The following ARHGAP15 variants were observed in gnomAD, a reference collection of about 807,000 sequenced individuals.
The protein encoded by ARHGAP15 is Rho GTPase activating protein 15, also known as rho GTPase-activating protein 15.
Under a neutral mutation model 63.7 loss-of-function variants are expected in ARHGAP15, and 51 were observed. The ratio of observed to expected loss-of-function variants is 0.80; its 90% CI spans 0.64 to 1.01. The LOEUF is 1.01. Among genes scored for constraint, ARHGAP15 ranks in the 50% least tolerant of loss-of-function variants. ARHGAP15 has a pLI of 0.00. For missense variants in ARHGAP15, 560 were observed against 564.6 expected (o/e 0.99, Z 0.08); for synonymous variants, 191 against 193.8 (o/e 0.99, Z 0.12).
At chr2:143,488,696 A>C (rs1247181076) in intron 9 of ARHGAP15, among the ~76,000 whole-genome samples, 4 of 152,248 alleles carry the variant, frequency 2.6e-5, no homozygotes, top group Non-Finnish European at 4.4e-5. Flanking sequence ...GCATTTAAAT[A>C]ATTTATAACA....
chr2:143,501,749 G>C (rs748897134), intron 9 of ARHGAP15, among the ~76,000 whole-genome samples: 10 of 152,226 alleles, frequency 6.6e-5, no homozygotes, highest in Non-Finnish European at 1.3e-4. Context: ...ATCTGCATGT[G>C]AGGTTAAGTT....
At chr2:143,706,364 T>C (rs909217084) in intron 13 of ARHGAP15, 2 of 152,206 alleles carry the variant, frequency 1.3e-5, no homozygotes, top group Non-Finnish European at 2.9e-5. Context: ...TCGTCAACCC[T>C]TGTATGTAGT....
At chr2:143,500,311 A>G (rs866002722) in intron 9 of ARHGAP15, among the ~76,000 whole-genome samples, 51 of 151,628 alleles carry the variant, frequency 3.4e-4, no homozygotes, top group African/African-American at 1.1e-3. Context: ...TAAAAGCATC[A>G]ATCTACAGTA....
chr2:143,278,865 TTTC>T (rs1681702611), intron 6 of ARHGAP15, among the ~76,000 whole-genome samples: 2 of 133,898 alleles, frequency 1.5e-5, no homozygotes, highest in African/African-American at 6.1e-5. Context: ...AGTTTCTTTC[TTTC>T]TTTTTTTTTT....
intron 10 of ARHGAP15, among the ~76,000 whole-genome samples, chr2:143,530,568 C>A (rs554220460): frequency 2.0e-4 from 31 of 152,210 alleles, no homozygotes; most frequent in Admixed American, 1.2e-3. Context: ...TATAAACCTT[C>A]AGGCATTGTG....
At chr2:143,188,028 T>G (rs1691515549) in intron 2 of ARHGAP15, among the ~76,000 whole-genome samples, 1 of 152,208 alleles carries the variant, frequency 6.6e-6, no homozygotes. Flanking sequence ...TAGAGGCAAC[T>G]GCCTTCAACA....
chr2:143,202,819 C>G (rs147764061), intron 3 of ARHGAP15, among the ~76,000 whole-genome samples: 1 of 151,836 alleles, frequency 6.6e-6, no homozygotes, highest in Admixed American at 6.6e-5. Context: ...ACTCAACATC[C>G]GTAAGAATGG....
At chr2:143,663,651 G>A (rs1313843662) in intron 12 of ARHGAP15, among the ~76,000 whole-genome samples, 6 of 152,122 alleles carry the variant, frequency 3.9e-5, no homozygotes, top group Admixed American at 2.0e-4. Context: ...ACCCATCAGT[G>A]TGCTGTATTC....
At chr2:143,150,574 G>C (rs1689774741) in intron 1 of ARHGAP15, among the ~76,000 whole-genome samples, 1 of 151,996 alleles carries the variant, frequency 6.6e-6, no homozygotes, top group Admixed American at 6.6e-5. Flanking sequence ...AAATCAGGAA[G>C]TCTAGAGAAT....
At chr2:143,163,976 T>A (rs767783923) in intron 2 of ARHGAP15, among the ~76,000 whole-genome samples, 2 of 152,026 alleles carry the variant, frequency 1.3e-5, no homozygotes, top group Non-Finnish European at 2.9e-5. Context: ...AGGAAACCCA[T>A]CCCTAAACGG....
chr2:143,432,957 A>C (rs751279032), intron 6 of ARHGAP15, among the ~76,000 whole-genome samples: 1 of 152,062 alleles, frequency 6.6e-6, no homozygotes, highest in Non-Finnish European at 1.5e-5. Context: ...TCTGTCACGG[A>C]GGCAAAACAT....
rs554312479 is a variant in ARHGAP15 at position 143,286,866 on chromosome 2, T to C, written c.474+36266T>C. ...TCTACCACATACCTAGGTGATATGA[T>C]GGAACCTATTGTTTCTAAACCACGA... is the stretch of plus-strand genomic sequence containing the variant. On this transcript the variant is annotated intron_variant, in intron 6 of 13. Coordinates refer to ENST00000295095, the MANE Select transcript of ARHGAP15 (RefSeq NM_018460.4). 6.6e-5 allele frequency among the ~76,000 whole-genome samples: 10 copies of C among 152,316 alleles called. No homozygotes were observed. The South Asian group carries it at 2.1e-3, about 32-fold the overall frequency.
intron 6 of ARHGAP15, among the ~76,000 whole-genome samples, chr2:143,373,302 C>A (rs145976137): frequency 1.4e-4 from 22 of 152,100 alleles, no homozygotes; most frequent in Non-Finnish European, 2.9e-4. Flanking sequence ...TTCCAAGAAT[C>A]CATGTGCTTA....
At chr2:143,180,507 A>T (rs1691191744) in intron 2 of ARHGAP15, among the ~76,000 whole-genome samples, 1 of 152,084 alleles carries the variant, frequency 6.6e-6, no homozygotes, top group South Asian at 2.1e-4. Flanking sequence ...CTTCTTTCAA[A>T]CTCACATTAA....
rs1440872421 is a variant in ARHGAP15 at position 143,624,134 on chromosome 2, A to T, written c.1005A>T (p.Glu335Asp). 1 of 1,613,340 alleles carries T rather than the reference A, an allele frequency of 6.2e-7. No individual in the cohort carries two copies. Among genetic ancestry groups the T allele is most frequent in the Admixed American group, 1.7e-5 (1 of 59,920 alleles). The stretch of plus-strand genomic sequence containing the variant: ...CCATTTCTCCTCGTGTTTTCCCAGA[A>T]GAGAAGCTGAATTTGGACGACAGCC... Reference protein sequence around the residue: ...IQKLRFIVNQEEKLNLDDSQW... With the variant: ...IQKLRFIVNQDEKLNLDDSQW... Residue 335 changes from glutamate to aspartate, a missense_variant and splice_region_variant, in exon 12 of 14, where the codon GAA becomes GAT. Coordinates refer to ENST00000295095, the MANE Select transcript of ARHGAP15 (RefSeq NM_018460.4).
intron 1 of ARHGAP15, among the ~76,000 whole-genome samples, chr2:143,132,838 T>C (rs1218963689): frequency 1.3e-5 from 2 of 152,260 alleles, no homozygotes; most frequent in Admixed American, 1.3e-4. Context: ...ACAGTTTTAA[T>C]TGAAAGGCGG....
At chr2:143,344,924 G>A (rs1004059318) in intron 6 of ARHGAP15, among the ~76,000 whole-genome samples, 1 of 152,070 alleles carries the variant, frequency 6.6e-6, no homozygotes, top group Non-Finnish European at 1.5e-5. Flanking sequence ...GCTCTGCAGG[G>A]CTCTTAAGCG....
intron 6 of ARHGAP15, among the ~76,000 whole-genome samples, chr2:143,328,258 A>C (rs1359688069): frequency 6.6e-6 from 1 of 152,202 alleles, no homozygotes; most frequent in Non-Finnish European, 1.5e-5. Context: ...TACCCAATTA[A>C]TTATAAATCA....
chr2:143,180,916 G>A (rs568420661), intron 2 of ARHGAP15, among the ~76,000 whole-genome samples: 14 of 152,102 alleles, frequency 9.2e-5, no homozygotes, highest in South Asian at 4.2e-4. Context: ...CTCGTGATCC[G>A]TCGCCTCGGC....
Sources: allele counts gnomAD v4.1 joint callset (sites outside exome capture counted in the v4.1 genomes callset), GRCh38; gene constraint gnomAD v4.1.1; transcripts MANE v1.5; gene names NCBI Gene and HGNC (gene_info 2026-07-23, HGNC 2026-07-21).